Variants in VPS53 observed in about 807,000 individuals in gnomAD.
The protein encoded by VPS53 is VPS53 subunit of GARP complex.
In VPS53, 70 loss-of-function variants were observed where a neutral mutation model predicts 107.0. The observed-to-expected ratio is 0.65, with a 90% confidence interval of 0.54 to 0.80. VPS53 has a LOEUF of 0.80. VPS53 is among the 30% of genes least tolerant of loss of function. The probability of loss-of-function intolerance (pLI) is 0.00; values close to 1 mark genes in which losing one functional copy is unlikely to be tolerated. For missense variants in VPS53, 917 were observed against 1,049.4 expected, an observed-to-expected ratio of 0.87 and a Z score of 1.74; for synonymous variants, 409 against 393.3, an observed-to-expected ratio of 1.04 and a Z score of -0.47.
chr17:612,197 T>C (rs1438356451), intron 11 of VPS53, among the ~76,000 whole-genome samples: 3 of 149,654 alleles, frequency 2.0e-5, no homozygotes, highest in African/African-American at 7.4e-5. Context: ...TGAAAACCTG[T>C]ACAGATATTC....
chr17:571,850 T>C (rs1419193107), intron 13 of VPS53, among the ~76,000 whole-genome samples: 2 of 152,228 alleles, frequency 1.3e-5, no homozygotes, highest in Non-Finnish European at 2.9e-5. Flanking sequence ...CAGTGCTCAA[T>C]GGTGCCCAGG....
intron 17 of VPS53, among the ~76,000 whole-genome samples, chr17:542,656 T>G (rs934914125): frequency 6.6e-6 from 1 of 152,194 alleles, no homozygotes; most frequent in Non-Finnish European, 1.5e-5. Context: ...TAATTGAAAT[T>G]ATGGTGATTT....
intron 4 of VPS53, among the ~76,000 whole-genome samples, chr17:691,821 C>T (rs761807426): frequency 1.2e-4 from 18 of 152,214 alleles, no homozygotes; most frequent in South Asian, 2.1e-4. Flanking sequence ...CATAATTGTG[C>T]TATTTTATTT....
intron 8 of VPS53, among the ~76,000 whole-genome samples, chr17:629,674 A>G (rs1834607820): frequency 6.6e-6 from 1 of 151,484 alleles, no homozygotes; most frequent in South Asian, 2.1e-4. Flanking sequence ...GAGGCAAGAG[A>G]ATGGCATGAA....
At chr17:537,621 C>G (rs1223147061) in intron 17 of VPS53, 1 of 154,636 alleles carries the variant, frequency 6.5e-6, no homozygotes, top group Non-Finnish European at 1.4e-5. Flanking sequence ...TCACAGACAC[C>G]TTTCTCTCCA....
intron 11 of VPS53, among the ~76,000 whole-genome samples, chr17:615,518 G>C (rs1335833153): frequency 2.6e-5 from 4 of 152,100 alleles, no homozygotes; most frequent in Non-Finnish European, 4.4e-5. Flanking sequence ...GGGTAGGGTG[G>C]GGATGACGTA....
At position 509,194 on chromosome 17, in the gene VPS53, C is replaced by G. The variant is rs1390790154; in HGVS notation, c.*9934G>C. On this transcript the variant is annotated 3_prime_UTR_variant, in exon 22 of 22. Transcript: ENST00000437048. Reference sequence around the variant, plus strand: ...TTACTAGTCACATATCAAATCCTGCCTCACCCCCTTACTAGTCACATATCA... The same window carrying G: ...TTACTAGTCACATATCAAATCCTGCGTCACCCCCTTACTAGTCACATATCA... The G allele has an allele frequency of 1.3e-5, 2 of 150,240 alleles. No homozygotes were observed. Among genetic ancestry groups the G allele is most frequent in the Non-Finnish European group, 2.9e-5 (2 of 68,408 alleles). The allele number at this position is 150,240 out of a possible 1,614,324, so 9.3% of individuals were successfully genotyped here.
chr17:622,216 C>A (rs2143021284), intron 11 of VPS53, among the ~76,000 whole-genome samples: 1 of 151,780 alleles, frequency 6.6e-6, no homozygotes, highest in African/African-American at 2.4e-5. Flanking sequence ...GTCTAAAAAA[C>A]AAAATGAAAA....
intron 13 of VPS53, among the ~76,000 whole-genome samples, chr17:569,163 G>C (rs569581874): frequency 1.6e-4 from 24 of 152,302 alleles, no homozygotes; most frequent in African/African-American, 5.1e-4. Context: ...AATGATAGTG[G>C]CATGTAAAAA....
intron 12 of VPS53, among the ~76,000 whole-genome samples, chr17:590,579 T>C (rs1349607119): frequency 6.6e-6 from 1 of 152,174 alleles, no homozygotes; most frequent in African/African-American, 2.4e-5. Context: ...TGAGAGTTTT[T>C]AGCATGAAGA....
Position 588,648 on chromosome 17 carries a change from T to C in VPS53, c.1219-2284A>G, listed in dbSNP as rs554086400. ...TTGGCAAGGTTTCTAGAAACTTTGG[T>C]CCTTCCTAAGAATAAATACAATCTG... On this transcript the variant is annotated intron_variant, in intron 12 of 21. Transcript: ENST00000437048. Among the ~76,000 whole-genome samples, 11 of 152,346 alleles carry C rather than the reference T, an allele frequency of 7.2e-5. 1 individual carries two copies. In the East Asian group the frequency reaches 9.6e-4, roughly 13 times the overall value.
At chr17:563,796 A>C (rs1913241598) in intron 13 of VPS53, among the ~76,000 whole-genome samples, 1 of 152,262 alleles carries the variant, frequency 6.6e-6, no homozygotes, top group African/African-American at 2.4e-5. Context: ...AAAGGTTATG[A>C]TGTCAGCACA....
chr17:553,842 T>G (rs1287634282), intron 15 of VPS53, among the ~76,000 whole-genome samples: 2 of 152,174 alleles, frequency 1.3e-5, no homozygotes, highest in Non-Finnish European at 2.9e-5. Flanking sequence ...AGTGCTGAGA[T>G]TACAAGTGTG....
rs369898811 is a variant in VPS53 at position 623,670 on chromosome 17, C to G, written c.979G>C (p.Glu327Gln). ...AVEFCHVTRA[E>Q]LAKIMRTRAK... ...CTGGTACGCATAATCTTGGCAAGTT[C>G]TGCCCTTCAAAACAAAGAGATAAGA... Residue 327 changes from glutamate (E) to glutamine (Q), a missense_variant, in exon 11 of 22, where the codon GAA becomes CAA. Transcript: ENST00000437048. 3.3e-5 allele frequency: 53 copies of G among 1,610,136 alleles called. No homozygotes were observed. Among genetic ancestry groups the G allele is most frequent in the Non-Finnish European group, 4.2e-5 (49 of 1,177,110 alleles).
At chr17:545,493 G>A (rs572473109) in intron 17 of VPS53, among the ~76,000 whole-genome samples, 16 of 152,248 alleles carry the variant, frequency 1.1e-4, no homozygotes, top group Middle Eastern at 3.4e-3. Context: ...TGACCCCACC[G>A]TCTCTCACAA....
intron 18 of VPS53, chr17:536,608 G>T: frequency 5.9e-6 from 1 of 169,606 alleles, no homozygotes; most frequent in Non-Finnish European, 1.3e-5. Context: ...TGCTTCTTTT[G>T]TGTACAAATT....
chr17:672,151 C>CACAA (rs774752654), intron 4 of VPS53, among the ~76,000 whole-genome samples: 1 of 140,468 alleles, frequency 7.1e-6, no homozygotes, highest in Non-Finnish European at 1.6e-5. Flanking sequence ...CACACACACA[C>CACAA]AATCTCTCTC....
intron 4 of VPS53, among the ~76,000 whole-genome samples, chr17:685,779 C>A (rs777258878): frequency 3.3e-4 from 50 of 151,924 alleles, no homozygotes; most frequent in African/African-American, 1.2e-3. Context: ...GCAGGAAGAT[C>A]GCTTGAGGTA....
intron 11 of VPS53, among the ~76,000 whole-genome samples, chr17:604,589 G>A (rs1394480836): frequency 6.6e-6 from 1 of 152,180 alleles, no homozygotes; most frequent in African/African-American, 2.4e-5. Context: ...GACTACAGGT[G>A]CACATCACCA....
Sources: allele counts gnomAD v4.1 joint callset (sites outside exome capture counted in the v4.1 genomes callset), GRCh38; gene constraint gnomAD v4.1.1; transcripts MANE v1.5; gene names NCBI Gene and HGNC (gene_info 2026-07-23, HGNC 2026-07-21).